Variants in PHC2 observed in about 807,000 individuals in gnomAD.
PHC2 encodes the protein polyhomeotic homolog 2.
In PHC2, 29 loss-of-function variants were observed where a neutral mutation model predicts 87.4. That is an observed-to-expected ratio of 0.33 (90% CI 0.25 to 0.45). PHC2 has a LOEUF of 0.45. Ranked by LOEUF, PHC2 falls within the 20% of genes least tolerant of loss-of-function variation. The probability of loss-of-function intolerance (pLI) is 1.00; values close to 1 mark genes in which losing one functional copy is unlikely to be tolerated. For missense variants in PHC2, 857 were observed against 1,136.7 expected, an observed-to-expected ratio of 0.75 and a Z score of 3.54; for synonymous variants, 438 against 461.7, an observed-to-expected ratio of 0.95 and a Z score of 0.66.
At chr1:33,347,088 A>C (rs1646858823) in intron 9 of PHC2, 2 of 985,466 alleles carry the variant, frequency 2.0e-6, no homozygotes, top group Admixed American at 6.1e-5. Context: ...GGAAATGAGT[A>C]ACACAGGAAA....
At chr1:33,389,206 C>T (rs550030995) in intron 1 of PHC2, among the ~76,000 whole-genome samples, 1 of 152,214 alleles carries the variant, frequency 6.6e-6, no homozygotes, top group South Asian at 2.1e-4. Context: ...AGAGACGAAG[C>T]TAGTTGGTGA....
At position 33,405,198 on chromosome 1, in the gene PHC2, T is replaced by C. The variant is rs200001055; in HGVS notation, c.-55+25778A>G. 7.6e-4 allele frequency among the ~76,000 whole-genome samples: 114 copies of C among 150,704 alleles called. 1 individual carries two copies. The East Asian group carries it at 0.019, about 24-fold the overall frequency. ...GGATTTGTAGTCTTTTTTTTTTTTT[T>C]CTTTTTTGGAGACAGAGTCTCGCTC... is the stretch of plus-strand genomic sequence containing the variant. On this transcript the variant is annotated intron_variant, in intron 1 of 14. Transcript: ENST00000683057.
At chr1:33,325,750 A>ATAATT (rs1282367428) in intron 14 of PHC2, 20 of 394,062 alleles carry the variant, frequency 5.1e-5, no homozygotes, top group Non-Finnish European at 8.8e-5. Flanking sequence ...GAGTTCTGGA[A>ATAATT]TAATTTACAT....
rs1245638565 is a variant in PHC2, at chr1:33,369,187, G to T, written c.577-565C>A. 6.6e-6 allele frequency among the ~76,000 whole-genome samples: 1 copy of T among 152,204 alleles called. No homozygotes were observed. The highest frequency in any genetic ancestry group is 2.1e-4 in the South Asian group (1 of 4,832). ...ACAACAACAGCAGAGGAAGCGGACCGCCTGGAGCCGTCCTCATGTCTGAAT... is the reference window on the plus strand; with the variant it reads ...ACAACAACAGCAGAGGAAGCGGACCTCCTGGAGCCGTCCTCATGTCTGAAT... On this transcript the variant is annotated intron_variant, in intron 5 of 14. Transcript: ENST00000683057. This position sits in a 1 kb window ranked among gnomAD's most constrained non-coding sequence, Gnocchi z 4.7.
chr1:33,348,807 A>T (rs983144648), intron 9 of PHC2, among the ~76,000 whole-genome samples: 3 of 152,170 alleles, frequency 2.0e-5, no homozygotes, highest in Non-Finnish European at 4.4e-5. Flanking sequence ...GAAGGAAAGG[A>T]AAGTTGTTCA....
intron 1 of PHC2, among the ~76,000 whole-genome samples, chr1:33,430,166 T>C (rs924393815): frequency 5.3e-5 from 8 of 151,998 alleles, no homozygotes; most frequent in African/African-American, 1.9e-4. Flanking sequence ...TATAAGAAAT[T>C]TGTTAGACAC....
At chr1:33,393,275 T>C (rs1431428429) in intron 1 of PHC2, among the ~76,000 whole-genome samples, 2 of 152,102 alleles carry the variant, frequency 1.3e-5, no homozygotes, top group African/African-American at 2.4e-5. Context: ...GAGGATGCGA[T>C]AGAGAATCCT....
intron 1 of PHC2, among the ~76,000 whole-genome samples, chr1:33,385,626 G>C (rs1411556103): frequency 6.6e-6 from 1 of 151,906 alleles, no homozygotes; most frequent in Non-Finnish European, 1.5e-5. Flanking sequence ...TTCCCTCAGA[G>C]AAAAAAGATA....
At chr1:33,344,765 A>G (rs1048502054) in intron 9 of PHC2, among the ~76,000 whole-genome samples, 2 of 151,898 alleles carry the variant, frequency 1.3e-5, no homozygotes, top group African/African-American at 4.8e-5. Flanking sequence ...CACTATGCCC[A>G]GGTAATTTTT....
At chr1:33,363,659 G>A in intron 7 of PHC2, 1 of 740,360 alleles carries the variant, frequency 1.4e-6, no homozygotes, top group Non-Finnish European at 1.6e-6. Context: ...TGGGTGAAAG[G>A]GCCCTGGCTT....
rs923107532 is a variant in PHC2, at chr1:33,331,865, G to A, written c.1892-403C>T. On this transcript the variant is annotated intron_variant, in intron 11 of 14. Transcript: ENST00000683057. This position sits in a 1 kb window ranked among gnomAD's most constrained non-coding sequence, Gnocchi z 5.2. ...CCAGTAAAAGACCTCAGGAGCCCAC[G>A]CTCCTGCAGCTGTGCAGCTCTGTCA... is the stretch of plus-strand genomic sequence containing the variant. 6.6e-6 allele frequency among the ~76,000 whole-genome samples: 1 copy of A among 152,250 alleles called. No homozygotes were observed. The highest frequency in any genetic ancestry group is 1.5e-5 in the Non-Finnish European group (1 of 68,050).
chr1:33,388,657 T>C (rs1305515526), intron 1 of PHC2, among the ~76,000 whole-genome samples: 3 of 151,804 alleles, frequency 2.0e-5, no homozygotes, highest in Non-Finnish European at 4.4e-5. Flanking sequence ...GAAAAGTAAA[T>C]AAGAAAATGC....
chr1:33,427,279 T>C (rs1557851297), intron 1 of PHC2, among the ~76,000 whole-genome samples: 1 of 152,230 alleles, frequency 6.6e-6, no homozygotes, highest in Non-Finnish European at 1.5e-5. Context: ...AGCTACACTA[T>C]TACTGTTCAG....
chr1:33,382,573 A>G lies in PHC2; in HGVS notation c.-54-6980T>C, dbSNP rs1648543905. Among the ~76,000 whole-genome samples the G allele has an allele frequency of 6.6e-6, 1 of 151,910 alleles. No individual in the cohort carries two copies. ...GAAGTCTGTTTTTCTCTGGGTTCCT[A>G]CTCACTGTGTGGTTTTGTATGAGCC... On this transcript the variant is annotated intron_variant, in intron 1 of 14. Coordinates refer to ENST00000683057, the MANE Select transcript of PHC2 (RefSeq NM_001385109.1). This position sits in a 1 kb window ranked among gnomAD's most constrained non-coding sequence, Gnocchi z 4.3.
intron 1 of PHC2, among the ~76,000 whole-genome samples, chr1:33,422,563 G>T (rs746333382): frequency 2.0e-5 from 3 of 152,142 alleles, no homozygotes; most frequent in Non-Finnish European, 4.4e-5. Flanking sequence ...ATTTTTGGCT[G>T]GTTATACAAT....
At position 33,430,960 on chromosome 1, in the gene PHC2, C is replaced by G. The variant is rs1273155518; in HGVS notation, c.-55+16G>C. 2.0e-5 allele frequency: 3 copies of G among 151,554 alleles called. No homozygotes were observed. Among genetic ancestry groups the G allele is most frequent in the Non-Finnish European group, 4.4e-5 (3 of 67,906 alleles). 9.4% of individuals were successfully genotyped at this position (151,554 alleles called of 1,614,324 possible). On this transcript the variant is annotated intron_variant, in intron 1 of 14. Transcript: ENST00000683057. ...AGCCGCGAGCTGGCCCCAGCGCGCA[C>G]GCGCCCGCCCGTTACCTGCGGTCGC... is the stretch of plus-strand genomic sequence containing the variant.
intron 1 of PHC2, among the ~76,000 whole-genome samples, chr1:33,426,555 T>C (rs1009972193): frequency 1.3e-5 from 2 of 152,202 alleles, no homozygotes; most frequent in African/African-American, 4.8e-5. Flanking sequence ...ACTATAACTC[T>C]CTCCAGTAAT....
At chr1:33,386,655 C>A (rs1447502879) in intron 1 of PHC2, among the ~76,000 whole-genome samples, 2 of 152,070 alleles carry the variant, frequency 1.3e-5, no homozygotes, top group African/African-American at 2.4e-5. Flanking sequence ...CATAGTGAGA[C>A]CTCATCTTAA....
At chr1:33,346,036 A>C in intron 9 of PHC2, 1 of 985,350 alleles carries the variant, frequency 1.0e-6, no homozygotes, top group South Asian at 4.7e-5. Context: ...ACCATGCCCT[A>C]AAAACATTTA....
Sources: allele counts gnomAD v4.1 joint callset (sites outside exome capture counted in the v4.1 genomes callset), GRCh38; gene constraint gnomAD v4.1.1; non-coding constraint Gnocchi (gnomAD v3.1); transcripts MANE v1.5; gene names NCBI Gene and HGNC (gene_info 2026-07-23, HGNC 2026-07-21).